TEX14: variants seen among roughly 807,000 people sequenced by gnomAD.
The protein encoded by TEX14 is testis expressed 14, intercellular bridge forming factor.
A neutral mutation model predicts 178.6 loss-of-function variants in TEX14; 168 were observed. The ratio of observed to expected loss-of-function variants is 0.94; its 90% CI spans 0.83 to 1.07. The LOEUF (loss-of-function observed/expected upper bound fraction) is 1.07. Ranked by LOEUF, TEX14 falls within the 50% of genes least tolerant of loss-of-function variation. TEX14 has a pLI of 0.00. For synonymous variants in TEX14, 626 were observed against 634.1 expected, an observed-to-expected ratio of 0.99 and a Z score of 0.19; for missense variants, 1,730 against 1,753.6, an observed-to-expected ratio of 0.99 and a Z score of 0.24.
intron 1 of TEX14, among the ~76,000 whole-genome samples, chr17:58,678,740 G>A (rs1376804220): frequency 3.3e-5 from 5 of 151,398 alleles, no homozygotes; most frequent in African/African-American, 1.2e-4. Context: ...GAGTTAATGG[G>A]TGCAGCAAAC....
At chr17:58,581,798 T>A (rs2144398615) in intron 19 of TEX14, 1 of 1,565,342 alleles carries the variant, frequency 6.4e-7, no homozygotes, top group Non-Finnish European at 8.7e-7. Flanking sequence ...TATAGTTGGA[T>A]GCAGTGTTAA....
At chr17:58,689,913 G>A (rs888907874) in intron 1 of TEX14, among the ~76,000 whole-genome samples, 35 of 144,764 alleles carry the variant, frequency 2.4e-4, no homozygotes, top group African/African-American at 8.5e-4. Context: ...GTGGTGGCGT[G>A]ATCTAGGCTC....
Position 58,674,242 on chromosome 17 carries a change from C to T in TEX14, c.-2+17697G>A, listed in dbSNP as rs183779882. On this transcript the variant is annotated intron_variant, in intron 1 of 31. Transcript: ENST00000349033. ...AGTGAGCCGAGATCGCACCACTGCA[C>T]TCCAGCCTGGGCGACAGAGCAAGAC... Among the ~76,000 whole-genome samples the T allele has an allele frequency of 5.7e-3, 857 of 151,366 alleles. 5 individuals are homozygous for T. The highest frequency in any genetic ancestry group is 9.2e-3 in the African/African-American group (377 of 41,182).
rs778777483 is a variant in TEX14, at chr17:58,556,975, A to T, written c.*36T>A. ...AGGAGCTTACAACCAGGACACTCAA[A>T]CTCAGGCCAGGAGTCCGTCTATGAT... On this transcript the variant is annotated 3_prime_UTR_variant, in exon 32 of 32. Transcript: ENST00000349033. 3 of 1,589,620 alleles carry T rather than the reference A, an allele frequency of 1.9e-6. No homozygotes were observed. The highest frequency in any genetic ancestry group is 1.7e-5 in the Admixed American group (1 of 59,934).
At chr17:58,691,666 C>CA (rs34546660) in intron 1 of TEX14, among the ~76,000 whole-genome samples, 2,146 of 107,082 alleles carry the variant, frequency 0.02, 110 homozygotes, top group African/African-American at 0.055. Context: ...GACTCTGTCT[C>CA]AAAAAAAAAA....
intron 1 of TEX14, chr17:58,661,204 C>A: frequency 2.5e-6 from 2 of 799,718 alleles, no homozygotes; most frequent in Non-Finnish European, 4.6e-6. Context: ...CTGAGTTGGT[C>A]TTGGTTTGGG....
chr17:58,588,861 T>C (rs1276403367), intron 15 of TEX14, among the ~76,000 whole-genome samples: 3 of 151,910 alleles, frequency 2.0e-5, no homozygotes, highest in Admixed American at 6.6e-5. Context: ...GCTCAGGAGG[T>C]CAAGGCCAGC....
At chr17:58,581,148 T>C (rs1284388852) in intron 19 of TEX14, among the ~76,000 whole-genome samples, 4 of 151,812 alleles carry the variant, frequency 2.6e-5, no homozygotes, top group Admixed American at 6.6e-5. Context: ...CCATCTCTAC[T>C]AAAAATACAA....
intron 1 of TEX14, among the ~76,000 whole-genome samples, chr17:58,669,171 G>C (rs2047261975): frequency 6.6e-6 from 1 of 152,040 alleles, no homozygotes; most frequent in Non-Finnish European, 1.5e-5. Context: ...GGCCAACATG[G>C]TGAAACCCCA....
intron 1 of TEX14, chr17:58,679,824 C>T (rs2047471005): frequency 6.6e-6 from 1 of 152,042 alleles, no homozygotes; most frequent in Admixed American, 6.6e-5. Context: ...TAACCCAGCA[C>T]CTGTATTTTT....
chr17:58,660,943 G>T (rs906821855), intron 1 of TEX14: 3 of 1,047,510 alleles, frequency 2.9e-6, no homozygotes, highest in Admixed American at 3.4e-5. Flanking sequence ...TCTCTCCCAG[G>T]ATCTTTATTT....
chr17:58,681,320 A>G (rs2047497044), intron 1 of TEX14, among the ~76,000 whole-genome samples: 1 of 152,166 alleles, frequency 6.6e-6, no homozygotes, highest in Admixed American at 6.6e-5. Flanking sequence ...AACTGAGAAC[A>G]TAGAGGTGTC....
At chr17:58,599,906 G>A (rs2045388535) in intron 13 of TEX14, among the ~76,000 whole-genome samples, 1 of 152,204 alleles carries the variant, frequency 6.6e-6, no homozygotes, top group Non-Finnish European at 1.5e-5. Context: ...TGTCAGGGCA[G>A]GGGTCTAGCC....
At chr17:58,583,304 T>C in intron 19 of TEX14, among the ~76,000 whole-genome samples, 1 of 152,102 alleles carries the variant, frequency 6.6e-6, no homozygotes. Flanking sequence ...CTAACTTTTG[T>C]ATCTTTTGTA....
chr17:58,681,069 G>C (rs975229701), intron 1 of TEX14, among the ~76,000 whole-genome samples: 1 of 152,034 alleles, frequency 6.6e-6, no homozygotes, highest in Non-Finnish European at 1.5e-5. Context: ...ATCACCTGAG[G>C]TCAGGAGTTC....
rs1222014028 is a variant in TEX14, at chr17:58,586,022, T to C, written c.2849A>G (p.His950Arg). Residue 950 changes from histidine to arginine, a missense_variant, in exon 18 of 32, where the codon CAT becomes CGT. Physicochemically the swap from His to Arg is conservative, Grantham distance 29. This residue lies in a region of TEX14 where 941 missense variants were observed against 1,072.4 expected (regional missense o/e 0.88). Coordinates refer to ENST00000349033, the MANE Select transcript of TEX14 (RefSeq NM_031272.5). ...CTCTAAAGTCAGACTACTCTGAGGA[T>C]GCCAAGGAGGTACTGTGAGCTGTCC... ...ATGQLTVPPW[H>R]PQSSLTLESE... 47 of 1,614,040 alleles carry C rather than the reference T, an allele frequency of 2.9e-5. No homozygotes were observed. The highest frequency in any genetic ancestry group is 3.9e-5 in the Non-Finnish European group (46 of 1,180,022).
intron 15 of TEX14, among the ~76,000 whole-genome samples, chr17:58,589,820 C>T (rs1227852626): frequency 6.6e-6 from 1 of 151,816 alleles, no homozygotes; most frequent in Admixed American, 6.6e-5. Context: ...CCACCTCAGC[C>T]TCCCAAGTAG....
chr17:58,612,881 G>T (rs1047730754), intron 9 of TEX14, among the ~76,000 whole-genome samples: 2 of 151,772 alleles, frequency 1.3e-5, no homozygotes, highest in African/African-American at 4.8e-5. Flanking sequence ...CTCCAGCCTG[G>T]GCAATAGAGC....
intron 2 of TEX14, among the ~76,000 whole-genome samples, chr17:58,641,122 A>C (rs2046563968): frequency 6.6e-6 from 1 of 152,140 alleles, no homozygotes. Context: ...AAAGTAGCCA[A>C]TCAGGTGGCT....
Sources: allele counts gnomAD v4.1 joint callset (sites outside exome capture counted in the v4.1 genomes callset), GRCh38; gene constraint gnomAD v4.1.1; regional missense constraint gnomAD v4.1.1; transcripts MANE v1.5; gene names NCBI Gene and HGNC (gene_info 2026-07-23, HGNC 2026-07-21).